The following CERS5 variants were observed in gnomAD, a reference collection of about 807,000 sequenced individuals.
The protein encoded by CERS5 is LAG1 homolog, ceramide synthase 5.
In CERS5, 37 loss-of-function variants were observed where a neutral mutation model predicts 58.9. That is an observed-to-expected ratio of 0.63 (90% CI 0.48 to 0.83). CERS5 has a LOEUF of 0.83. CERS5 is among the 40% of genes least tolerant of loss of function. The pLI is 0.00. For missense variants in CERS5, 398 were observed against 489.3 expected, an observed-to-expected ratio of 0.81 and a Z score of 1.76; for synonymous variants, 147 against 177.8, an observed-to-expected ratio of 0.83 and a Z score of 1.38.
intron 1 of CERS5, among the ~76,000 whole-genome samples, chr12:50,153,135 G>A (rs920979205): frequency 2.8e-4 from 43 of 151,968 alleles, no homozygotes; most frequent in African/African-American, 1.0e-3. Context: ...AAGCATTGTT[G>A]CCAATGATAA....
In CERS5 at chr12:50,162,184, CT is replaced by C. The variant is rs75460499; in HGVS notation, c.197+4916del. On this transcript the variant is annotated intron_variant, in intron 1 of 9. Transcript: ENST00000317551. ...AGCCACCATGCCTGGCTGATTTGTTCTTTTTTTTTTTTTTTTTTTTTTAAAT... is the reference window on the plus strand; with the variant it reads ...AGCCACCATGCCTGGCTGATTTGTTCTTTTTTTTTTTTTTTTTTTTTAAAT... 7.5e-3 allele frequency among the ~76,000 whole-genome samples: 974 copies of C among 129,326 alleles called. 3 individuals carry two copies. The highest frequency in any genetic ancestry group is 0.018 in the African/African-American group (614 of 34,234). 84.8% of individuals were successfully genotyped at this position (129,326 alleles called of 152,430 possible).
chr12:50,163,827 AT>A (rs1295302337), intron 1 of CERS5, among the ~76,000 whole-genome samples: 1 of 150,774 alleles, frequency 6.6e-6, no homozygotes, highest in Non-Finnish European at 1.5e-5. Flanking sequence ...TAATTTTTAA[AT>A]TTTTTTGTAG....
intron 4 of CERS5, among the ~76,000 whole-genome samples, chr12:50,139,774 C>G (rs568938315): frequency 6.6e-6 from 1 of 152,296 alleles, no homozygotes; most frequent in South Asian, 2.1e-4. Context: ...GCCTGGGAGA[C>G]AGAGTGAGAC....
intron 1 of CERS5, among the ~76,000 whole-genome samples, chr12:50,158,703 C>T (rs893861025): frequency 2.0e-5 from 3 of 152,142 alleles, no homozygotes; most frequent in African/African-American, 7.2e-5. Context: ...CGATTTCAAT[C>T]TATAACTGGA....
intron 9 of CERS5, chr12:50,132,976 A>G (rs1217292592): frequency 3.1e-6 from 4 of 1,288,978 alleles, no homozygotes; most frequent in Non-Finnish European, 4.0e-6. Flanking sequence ...AAGAGATGAA[A>G]CTGTCCAGCT....
intron 1 of CERS5, among the ~76,000 whole-genome samples, chr12:50,153,566 AAAAT>A (rs1938222722): frequency 1.3e-5 from 2 of 151,856 alleles, no homozygotes. Flanking sequence ...GCAAGATTTT[AAAAT>A]ATTGTATAAT....
intron 1 of CERS5, among the ~76,000 whole-genome samples, chr12:50,145,294 A>G (rs1403826721): frequency 1.3e-5 from 2 of 152,104 alleles, no homozygotes; most frequent in Admixed American, 1.3e-4. Context: ...TTGAGGAACT[A>G]TTCCTTGGTT....
intron 1 of CERS5, among the ~76,000 whole-genome samples, chr12:50,147,074 A>C (rs1203530178): frequency 1.3e-5 from 2 of 152,110 alleles, no homozygotes; most frequent in Non-Finnish European, 2.9e-5. Flanking sequence ...TTAATTCTAC[A>C]TCATACAAAA....
chr12:50,129,378 T>C lies in CERS5; in HGVS notation c.*1167A>G, dbSNP rs963814613. 2.0e-5 allele frequency: 3 copies of C among 152,224 alleles called. No individual in the cohort carries two copies. The highest frequency in any genetic ancestry group is 4.8e-5 in the African/African-American group (2 of 41,454). The allele number at this position is 152,224 out of a possible 1,614,324, so 9.4% of individuals were successfully genotyped here. A position where few individuals can be genotyped will look rare whatever the true frequency, so the allele number is the denominator to read the frequency against. ...AATCCAGTTTGTATTAACAAGGCAA[T>C]TGTTCAAATTTCAGAAGGCAAAATA... On this transcript the variant is annotated 3_prime_UTR_variant, in exon 10 of 10. Transcript: ENST00000317551.
At chr12:50,159,306 G>A (rs915395190) in intron 1 of CERS5, among the ~76,000 whole-genome samples, 1 of 152,156 alleles carries the variant, frequency 6.6e-6, no homozygotes, top group Non-Finnish European at 1.5e-5. Context: ...GGGCGACACA[G>A]GGCGAGACTC....
At chr12:50,142,187 C>G in intron 3 of CERS5, 77 bp from the exon 4 acceptor site, 1 of 928,354 alleles carries the variant, frequency 1.1e-6, no homozygotes, top group South Asian at 1.4e-5. Context: ...GTCAAGATAG[C>G]AAATTTGGGG....
chr12:50,132,175 G>A (rs756819026), intron 9 of CERS5, among the ~76,000 whole-genome samples: 6 of 151,738 alleles, frequency 4.0e-5, no homozygotes, highest in East Asian at 1.9e-4. Flanking sequence ...TGAAGTGGGC[G>A]CATCACCTGA....
intron 1 of CERS5, chr12:50,166,291 C>T (rs1939875861): frequency 6.5e-6 from 1 of 152,816 alleles, no homozygotes; most frequent in Admixed American, 6.7e-5. Flanking sequence ...CCATTGCACG[C>T]CAGCCTGGGC....
Position 50,143,178 on chromosome 12 carries a change from G to A in CERS5, c.330C>T (p.Gly110=), listed in dbSNP as rs1484484380. The change falls in exon 3 of 10, where the codon GGC becomes GGT. Residue 110 remains glycine (G), a synonymous_variant. Coordinates refer to ENST00000317551, the MANE Select transcript of CERS5 (RefSeq NM_147190.5). ...CATTCCAATCCAGCTGCTTTGACAG[G>A]CCCTCCAGCCTTTTCTTATCAGGAT... ...TKYPDKKRLE[G]LSKQLDWNVR... 1 of 1,614,020 alleles carries A rather than the reference G, an allele frequency of 6.2e-7. No homozygotes were observed. The highest frequency in any genetic ancestry group is 8.5e-7 in the Non-Finnish European group (1 of 1,179,986).
intron 1 of CERS5, among the ~76,000 whole-genome samples, chr12:50,159,656 C>T (rs1027669088): frequency 1.4e-4 from 21 of 151,976 alleles, no homozygotes; most frequent in Admixed American, 1.1e-3. Flanking sequence ...TGCAATGGTG[C>T]GATCTTGGCT....
At chr12:50,148,942 ATATATGTG>A (rs1437691596) in intron 1 of CERS5, among the ~76,000 whole-genome samples, 12 of 130,030 alleles carry the variant, frequency 9.2e-5, no homozygotes, top group East Asian at 6.4e-4. Flanking sequence ...ATATATATAT[ATATATGTG>A]TGTGTGTGTG....
chr12:50,161,184 G>T (rs10876007), intron 1 of CERS5, among the ~76,000 whole-genome samples: 49,273 of 151,918 alleles, frequency 0.32, 8,930 homozygotes, highest in East Asian at 0.76. Flanking sequence ...GTGCTTTGGT[G>T]GGTAATAATC....
chr12:50,131,065 C>T (rs893174977), intron 9 of CERS5, among the ~76,000 whole-genome samples: 2 of 152,190 alleles, frequency 1.3e-5, no homozygotes, highest in Non-Finnish European at 2.9e-5. Context: ...GTATGACTGT[C>T]AGCAATGCTT....
At chr12:50,143,362 A>G (rs986288120) in intron 2 of CERS5, 158 bp from the exon 3 acceptor site, 8 of 758,118 alleles carry the variant, frequency 1.1e-5, no homozygotes, top group Non-Finnish European at 1.5e-5. Flanking sequence ...AAGAAATTTT[A>G]TCTTACATAT....
Sources: allele counts gnomAD v4.1 joint callset (sites outside exome capture counted in the v4.1 genomes callset), GRCh38; gene constraint gnomAD v4.1.1; transcripts MANE v1.5; gene names NCBI Gene and HGNC (gene_info 2026-07-23, HGNC 2026-07-21).